The following RSU1 variants were observed in gnomAD, a reference collection of about 807,000 sequenced individuals.
RSU1 encodes Ras suppressor protein 1, also known as rsu-1.
Under a neutral mutation model 31.1 loss-of-function variants are expected in RSU1, and 26 were observed. The observed-to-expected ratio is 0.84, with a 90% CI of 0.61 to 1.16. RSU1 has a LOEUF of 1.16. RSU1 is among the 50% of genes most tolerant of loss of function. The pLI, the probability that RSU1 is intolerant of heterozygous loss-of-function variation, is 0.00. For synonymous variants in RSU1, 164 were observed against 136.3 expected, an observed-to-expected ratio of 1.20 and a Z score of -1.41; for missense variants, 320 against 339.1, an observed-to-expected ratio of 0.94 and a Z score of 0.44.
chr10:16,668,718 G>C (rs144196434), intron 8 of RSU1, among the ~76,000 whole-genome samples: 1 of 151,850 alleles, frequency 6.6e-6, no homozygotes, highest in Non-Finnish European at 1.5e-5. Flanking sequence ...CCCTTCCTCT[G>C]ATCTCCCTCA....
chr10:16,596,069 C>T (rs1459548393), intron 8 of RSU1, among the ~76,000 whole-genome samples: 2 of 152,118 alleles, frequency 1.3e-5, no homozygotes, highest in South Asian at 2.1e-4. Context: ...GAAGACGAGG[C>T]CATGGGCACC....
At chr10:16,617,655 C>T in intron 8 of RSU1, among the ~76,000 whole-genome samples, 1 of 152,158 alleles carries the variant, frequency 6.6e-6, no homozygotes, top group Non-Finnish European at 1.5e-5. Context: ...ACCAATAGAA[C>T]AGAACAGAGA....
At chr10:16,747,756 C>T (rs1045992150) in intron 7 of RSU1, among the ~76,000 whole-genome samples, 1 of 152,214 alleles carries the variant, frequency 6.6e-6, no homozygotes, top group Admixed American at 6.5e-5. Flanking sequence ...TCAGGGGCTA[C>T]ACACCATGGC....
At chr10:16,795,983 C>T (rs1216261722) in intron 2 of RSU1, among the ~76,000 whole-genome samples, 1 of 152,130 alleles carries the variant, frequency 6.6e-6, no homozygotes, top group Non-Finnish European at 1.5e-5. Flanking sequence ...TGAACCTGGC[C>T]CCACATTTCC....
intron 8 of RSU1, among the ~76,000 whole-genome samples, chr10:16,610,822 C>G (rs1324860649): frequency 1.3e-5 from 2 of 152,162 alleles, no homozygotes; most frequent in African/African-American, 2.4e-5. Flanking sequence ...AAACTGGTGC[C>G]TGGTGCCAAA....
chr10:16,812,721 T>A (rs1838433786), intron 2 of RSU1, among the ~76,000 whole-genome samples: 1 of 151,846 alleles, frequency 6.6e-6, no homozygotes. Flanking sequence ...GGAAAAAAAA[T>A]GATAAAGGCT....
chr10:16,800,458 G>A (rs1008590695), intron 2 of RSU1, among the ~76,000 whole-genome samples: 1 of 152,328 alleles, frequency 6.6e-6, no homozygotes, highest in African/African-American at 2.4e-5. Context: ...CCTCTGACTG[G>A]CTCATTAGTA....
In RSU1 at chr10:16,593,289, AAAG is replaced by A; in HGVS notation, c.*102_*104del. 6.5e-7 allele frequency: 1 copy of A among 1,528,914 alleles called. No homozygotes were observed. The highest frequency in any genetic ancestry group is 1.3e-5 in the South Asian group (1 of 78,650). The allele number at this position is 1,528,914 out of a possible 1,614,324, so 94.7% of individuals were successfully genotyped here. A position where few individuals can be genotyped will look rare whatever the true frequency, so the allele number is the denominator to read the frequency against. ...GAAAGAGAGTGAAAAGAAAAATAAAAAAGGCCTCACACGCAGCATTGGGTTTAT... is the reference window on the plus strand; with the variant it reads ...GAAAGAGAGTGAAAAGAAAAATAAAAGCCTCACACGCAGCATTGGGTTTAT... On this transcript the variant is annotated 3_prime_UTR_variant, in exon 9 of 9. Coordinates refer to ENST00000345264, the MANE Select transcript of RSU1 (RefSeq NM_012425.4).
At chr10:16,669,900 C>T (rs1835075547) in intron 8 of RSU1, among the ~76,000 whole-genome samples, 1 of 152,192 alleles carries the variant, frequency 6.6e-6, no homozygotes, top group Non-Finnish European at 1.5e-5. Flanking sequence ...TTCATACTTA[C>T]ATGCCCAAAG....
Position 16,652,509 on chromosome 10 carries a change from C to G in RSU1, c.731+42514G>C, listed in dbSNP as rs557843337. Among the ~76,000 whole-genome samples the G allele has an allele frequency of 8.6e-5, 13 of 150,954 alleles. 1 individual carries two copies. The highest frequency in any genetic ancestry group is 3.2e-4 in the African/African-American group (13 of 41,156). On this transcript the variant is annotated intron_variant, in intron 8 of 8. Coordinates refer to ENST00000345264, the MANE Select transcript of RSU1 (RefSeq NM_012425.4). ...AATGTTCCATACCTAAACTGGTATA[C>G]TGGTTATACACGTTTGTCAAAACTC...
intron 8 of RSU1, among the ~76,000 whole-genome samples, chr10:16,650,933 T>G (rs1380140831): frequency 6.6e-6 from 1 of 152,168 alleles, no homozygotes; most frequent in East Asian, 1.9e-4. Context: ...TTTTTCATAA[T>G]GTATATTTCA....
chr10:16,658,655 T>C (rs1045980717), intron 8 of RSU1, among the ~76,000 whole-genome samples: 2 of 151,952 alleles, frequency 1.3e-5, no homozygotes, highest in African/African-American at 4.8e-5. Flanking sequence ...ACCCGGGAGG[T>C]GGAGGTTGCA....
At chr10:16,736,285 G>A (rs556812573) in intron 7 of RSU1, among the ~76,000 whole-genome samples, 1 of 152,082 alleles carries the variant, frequency 6.6e-6, no homozygotes, top group Non-Finnish European at 1.5e-5. Context: ...TAACTACCAG[G>A]GAAAGACCAA....
At chr10:16,613,227 A>G in intron 8 of RSU1, among the ~76,000 whole-genome samples, 1 of 152,206 alleles carries the variant, frequency 6.6e-6, no homozygotes, top group Non-Finnish European at 1.5e-5. Flanking sequence ...AAAAAAGCCA[A>G]TATGAAAAAT....
chr10:16,667,168 C>G (rs528291996), intron 8 of RSU1, among the ~76,000 whole-genome samples: 1 of 152,298 alleles, frequency 6.6e-6, no homozygotes, highest in East Asian at 1.9e-4. Context: ...TATACTTTAG[C>G]TGTCTGTTAG....
chr10:16,693,627 A>G (rs114214184), intron 8 of RSU1, among the ~76,000 whole-genome samples: 29 of 152,216 alleles, frequency 1.9e-4, no homozygotes, highest in African/African-American at 6.5e-4. Flanking sequence ...ACTTTGGAAG[A>G]TGAAAGCAGG....
intron 8 of RSU1, among the ~76,000 whole-genome samples, chr10:16,653,450 G>A (rs866687794): frequency 6.6e-6 from 1 of 152,090 alleles, no homozygotes; most frequent in Non-Finnish European, 1.5e-5. Flanking sequence ...GTAGTAACAC[G>A]GCTTTCCCTC....
At chr10:16,816,329 G>A (rs935132171) in intron 2 of RSU1, among the ~76,000 whole-genome samples, 1 of 152,124 alleles carries the variant, frequency 6.6e-6, no homozygotes, top group Non-Finnish European at 1.5e-5. Flanking sequence ...GCCCTCACTT[G>A]GAGGCATGTG....
chr10:16,701,608 T>A (rs1027391069), intron 7 of RSU1, among the ~76,000 whole-genome samples: 1 of 139,950 alleles, frequency 7.1e-6, no homozygotes, highest in African/African-American at 2.6e-5. Flanking sequence ...GGGAAGATAG[T>A]ACAACTTACA....
Sources: gnomAD v4.1 joint callset for allele counts (sites outside exome capture counted in the v4.1 genomes callset) on GRCh38, gnomAD v4.1.1 for gene constraint, MANE v1.5 for transcripts, NCBI Gene and HGNC (gene_info 2026-07-23, HGNC 2026-07-21) for gene names.